Variants in ZNG1E observed in about 807,000 individuals in gnomAD.
The protein encoded by ZNG1E is zinc-regulated GTPase metalloprotein activator 1E.
the ZNG1E span, among the ~76,000 whole-genome samples, chr9:65,693,118 A>G: frequency 6.6e-6 from 1 of 152,276 alleles, no homozygotes; most frequent in African/African-American, 2.4e-5. Flanking sequence ...GTACCCTGGA[A>G]CTTAAAATTT....
the ZNG1E span, among the ~76,000 whole-genome samples, chr9:65,687,834 C>G: frequency 6.7e-6 from 1 of 148,612 alleles, no homozygotes; most frequent in East Asian, 2.0e-4. Flanking sequence ...GAGTTTTCTT[C>G]TTTATTTTTG....
chr9:65,666,269 C>G, the ZNG1E span, among the ~76,000 whole-genome samples: 1 of 150,296 alleles, frequency 6.7e-6, no homozygotes, highest in African/African-American at 2.4e-5. Context: ...TGGGGGCAGG[C>G]CTTTCTCATG....
At chr9:65,721,500 G>A in the ZNG1E span, among the ~76,000 whole-genome samples, 1 of 149,978 alleles carries the variant, frequency 6.7e-6, no homozygotes, top group South Asian at 2.1e-4. Flanking sequence ...AAACAGAATA[G>A]TAAAGTAAAC....
At chr9:65,687,928 A>G in the ZNG1E span, among the ~76,000 whole-genome samples, 1 of 151,098 alleles carries the variant, frequency 6.6e-6, no homozygotes, top group Admixed American at 6.7e-5. Context: ...TAGTTCTTCT[A>G]AGAACATTTT....
At chr9:65,670,058 G>T in the ZNG1E span, among the ~76,000 whole-genome samples, 2 of 131,948 alleles carry the variant, frequency 1.5e-5, no homozygotes, top group South Asian at 5.4e-4. Flanking sequence ...TAGATAAGAG[G>T]AACTGGGTTA....
the ZNG1E span, among the ~76,000 whole-genome samples, chr9:65,680,082 A>C: frequency 1.3e-5 from 2 of 151,834 alleles, no homozygotes; most frequent in African/African-American, 4.8e-5. Context: ...CAAATATTAA[A>C]CTGTAGTAAA....
chr9:65,680,618 G>A, the ZNG1E span, among the ~76,000 whole-genome samples: 83 of 152,298 alleles, frequency 5.4e-4, no homozygotes, highest in East Asian at 0.014. Context: ...TCGATTTTAT[G>A]GGAGCTCATT....
At chr9:65,703,723 T>C in the ZNG1E span, 36 of 971,362 alleles carry the variant, frequency 3.7e-5, no homozygotes, top group Non-Finnish European at 4.1e-5. Context: ...AGAAATTCTT[T>C]CTTTGGAAGT....
chr9:65,658,110 A>C, the ZNG1E span, among the ~76,000 whole-genome samples: 4 of 134,794 alleles, frequency 3.0e-5, no homozygotes, highest in East Asian at 2.1e-4. Flanking sequence ...AAAAAAAAAA[A>C]AAAAAACTTA....
At chr9:65,715,361 C>T in the ZNG1E span, among the ~76,000 whole-genome samples, 4 of 150,894 alleles carry the variant, frequency 2.7e-5, no homozygotes, top group African/African-American at 4.9e-5. Flanking sequence ...CTGTCTTCTG[C>T]GTCTCTCACG....
the ZNG1E span, among the ~76,000 whole-genome samples, chr9:65,659,969 A>G: frequency 0.08 from 7,006 of 88,054 alleles, no homozygotes; most frequent in Admixed American, 0.084. Flanking sequence ...TAAGATATGC[A>G]AGGTCTCAAA....
At chr9:65,661,196 T>C in the ZNG1E span, among the ~76,000 whole-genome samples, 2 of 124,364 alleles carry the variant, frequency 1.6e-5, no homozygotes, top group Non-Finnish European at 3.2e-5. Flanking sequence ...CTTGAAATTA[T>C]ATTTCACTAG....
At chr9:65,710,490 C>T in the ZNG1E span, among the ~76,000 whole-genome samples, 1 of 151,192 alleles carries the variant, frequency 6.6e-6, no homozygotes, top group Non-Finnish European at 1.5e-5. Flanking sequence ...GGTTTTAGGT[C>T]AAACGTTTAA....
the ZNG1E span, among the ~76,000 whole-genome samples, chr9:65,665,329 C>T: frequency 6.6e-6 from 1 of 152,268 alleles, no homozygotes; most frequent in East Asian, 1.9e-4. Flanking sequence ...CCCTGCATCC[C>T]AGCCATGAAT....
At chr9:65,657,877 G>C in the ZNG1E span, among the ~76,000 whole-genome samples, 3 of 152,272 alleles carry the variant, frequency 2.0e-5, no homozygotes, top group Non-Finnish European at 4.4e-5. Context: ...GAGGCGGGCA[G>C]ATCACCTGAG....
the ZNG1E span, among the ~76,000 whole-genome samples, chr9:65,728,127 T>A: frequency 8.5e-5 from 13 of 152,322 alleles, no homozygotes; most frequent in South Asian, 2.7e-3. Context: ...ATACATGGAA[T>A]AACCTGCTCC....
the ZNG1E span, among the ~76,000 whole-genome samples, chr9:65,663,271 C>T: frequency 6.6e-6 from 1 of 152,146 alleles, no homozygotes; most frequent in Non-Finnish European, 1.5e-5. Context: ...GACCATAAAA[C>T]TTATAAAGCA....
At chr9:65,673,423 C>T in the ZNG1E span, among the ~76,000 whole-genome samples, 1 of 145,166 alleles carries the variant, frequency 6.9e-6, no homozygotes, top group South Asian at 2.2e-4. Flanking sequence ...ATCCATTTGT[C>T]ACATTTTGGT....
chr9:65,716,905 G>A, the ZNG1E span, among the ~76,000 whole-genome samples: 1 of 145,992 alleles, frequency 6.8e-6, no homozygotes, highest in Non-Finnish European at 1.5e-5. Flanking sequence ...AAATTATAAA[G>A]GTATTTTTGG....
Sources: gnomAD v4.1 joint callset for allele counts (sites outside exome capture counted in the v4.1 genomes callset) on GRCh38, gnomAD v4.1.1 for gene constraint, MANE v1.5 for transcripts, NCBI Gene and HGNC (gene_info 2026-07-23, HGNC 2026-07-21) for gene names.